SLC43A2: variants seen among roughly 807,000 people sequenced by gnomAD.
SLC43A2 encodes the protein large neutral amino acids transporter small subunit 4.
A neutral mutation model predicts 63.2 loss-of-function variants in SLC43A2; 38 were observed. That is an observed-to-expected ratio of 0.60 (90% CI 0.46 to 0.79). SLC43A2 has a LOEUF of 0.79. Ranked by LOEUF, SLC43A2 falls within the 30% of genes least tolerant of loss-of-function variation. The pLI is 0.00. For missense variants in SLC43A2, 644 were observed against 756.2 expected, an observed-to-expected ratio of 0.85 and a Z score of 1.74; for synonymous variants, 322 against 331.0, an observed-to-expected ratio of 0.97 and a Z score of 0.30.
At chr17:1,608,735 C>G (rs1472699154) in intron 5 of SLC43A2, among the ~76,000 whole-genome samples, 1 of 152,130 alleles carries the variant, frequency 6.6e-6, no homozygotes, top group Non-Finnish European at 1.5e-5. Context: ...TGCCAGAGGC[C>G]AGTGAAAGTA....
intron 5 of SLC43A2, among the ~76,000 whole-genome samples, chr17:1,594,648 C>A (rs1457097034): frequency 7.3e-6 from 1 of 137,762 alleles, no homozygotes; most frequent in Non-Finnish European, 1.6e-5. Flanking sequence ...ACTGCAGTGG[C>A]TCTATCTCGG....
intron 4 of SLC43A2, among the ~76,000 whole-genome samples, chr17:1,613,892 G>T (rs954867219): frequency 3.2e-4 from 48 of 151,998 alleles, no homozygotes; most frequent in African/African-American, 1.1e-3. Context: ...TGAGCCCAGG[G>T]GTTCAAGACC....
chr17:1,570,858 C>T lies in SLC43A2; in HGVS notation c.*4746G>A, dbSNP rs1014898636. ...ACTGCGTATCCACGTAGCTGCACCA[C>T]GCAGGCATTCTTTCCTCCCTTTTGC... On this transcript the variant is annotated 3_prime_UTR_variant, in exon 14 of 14. Transcript: ENST00000301335. The T allele has an allele frequency of 4.6e-5, 7 of 152,312 alleles. No individual in the cohort carries two copies. The highest frequency in any genetic ancestry group is 1.7e-4 in the African/African-American group (7 of 41,466). The allele number at this position is 152,312 out of a possible 1,614,324, so 9.4% of individuals were successfully genotyped here. A position where few individuals can be genotyped will look rare whatever the true frequency, so the allele number is the denominator to read the frequency against.
intron 5 of SLC43A2, among the ~76,000 whole-genome samples, chr17:1,601,654 G>A (rs1906034760): frequency 6.6e-6 from 1 of 151,490 alleles, no homozygotes. Context: ...CCCTCCCGAA[G>A]GTCCAAACCA....
In SLC43A2 at chr17:1,578,167, A is replaced by T; in HGVS notation, c.1424+83T>A. On this transcript the variant is annotated intron_variant, in intron 12 of 13. Transcript: ENST00000301335. This position sits in a 1 kb window ranked among gnomAD's most constrained non-coding sequence, Gnocchi z 6.5. ...TTCTGGGACAGGCTGACCCTGCCTC[A>T]GAGTCTCAGTCCCACCAGCAACCTC... 7.3e-7 allele frequency: 1 copy of T among 1,372,806 alleles called. No individual in the cohort carries two copies. Among genetic ancestry groups the T allele is most frequent in the Non-Finnish European group, 1.0e-6 (1 of 971,158 alleles). The allele number at this position is 1,372,806 out of a possible 1,614,324, so 85.0% of individuals were successfully genotyped here.
At chr17:1,595,181 T>C (rs1344525805) in intron 5 of SLC43A2, among the ~76,000 whole-genome samples, 2 of 151,558 alleles carry the variant, frequency 1.3e-5, no homozygotes, top group Non-Finnish European at 2.9e-5. Context: ...CTTGGGAGGC[T>C]GAGGCAGGAA....
At chr17:1,589,163 A>T (rs1267996397) in intron 9 of SLC43A2, among the ~76,000 whole-genome samples, 1 of 152,132 alleles carries the variant, frequency 6.6e-6, no homozygotes, top group Non-Finnish European at 1.5e-5. Context: ...GAACATACGA[A>T]ACAGTTGGAA....
At chr17:1,609,237 C>A (rs1041093392) in intron 5 of SLC43A2, among the ~76,000 whole-genome samples, 3 of 152,028 alleles carry the variant, frequency 2.0e-5, no homozygotes, top group African/African-American at 7.2e-5. Flanking sequence ...GAATTTCACT[C>A]GTCGCCCAGG....
At chr17:1,603,563 C>A (rs186549773) in intron 5 of SLC43A2, among the ~76,000 whole-genome samples, 1 of 152,170 alleles carries the variant, frequency 6.6e-6, no homozygotes, top group African/African-American at 2.4e-5. Flanking sequence ...GGCAGGGGAT[C>A]ACCTGAGGTC....
chr17:1,615,792 G>A (rs1330939872), intron 3 of SLC43A2, among the ~76,000 whole-genome samples: 3 of 148,966 alleles, frequency 2.0e-5, no homozygotes, highest in Non-Finnish European at 3.0e-5. Flanking sequence ...GCAGTGAGCC[G>A]AGATCGCGCC....
At chr17:1,580,896 C>T (rs1487385443) in intron 11 of SLC43A2, among the ~76,000 whole-genome samples, 5 of 152,120 alleles carry the variant, frequency 3.3e-5, no homozygotes, top group African/African-American at 9.7e-5. Context: ...CTCCACAACA[C>T]CTGGCTAATT....
intron 1 of SLC43A2, among the ~76,000 whole-genome samples, chr17:1,628,531 G>A (rs1199008677): frequency 2.0e-5 from 3 of 152,018 alleles, no homozygotes; most frequent in Admixed American, 6.5e-5. Context: ...CGTGGGAGAC[G>A]AGGAGCCGGT....
intron 2 of SLC43A2, 121 bp downstream of exon 2, chr17:1,627,594 C>A (rs1258641933): frequency 1.2e-5 from 12 of 1,025,318 alleles, no homozygotes; most frequent in Non-Finnish European, 1.6e-5. Flanking sequence ...GATGGGCCTT[C>A]TGATACCCTA....
chr17:1,617,727 A>G (rs1437838766), intron 2 of SLC43A2, among the ~76,000 whole-genome samples: 3 of 152,122 alleles, frequency 2.0e-5, no homozygotes, highest in Non-Finnish European at 2.9e-5. Flanking sequence ...CCGGGGTCAC[A>G]GTGGTGCCAT....
At chr17:1,580,418 C>T (rs929452681) in intron 11 of SLC43A2, among the ~76,000 whole-genome samples, 3 of 152,246 alleles carry the variant, frequency 2.0e-5, no homozygotes, top group Non-Finnish European at 2.9e-5. Context: ...ACCACGGCCT[C>T]GAGCTGCCTT....
At chr17:1,585,637 C>G in intron 10 of SLC43A2, 1 of 1,332,972 alleles carries the variant, frequency 7.5e-7, no homozygotes. Context: ...ATCTTCCTAC[C>G]CCAGCCTTTC....
intron 5 of SLC43A2, among the ~76,000 whole-genome samples, chr17:1,611,062 C>T (rs1205615855): frequency 2.0e-5 from 3 of 151,962 alleles, no homozygotes; most frequent in Admixed American, 6.6e-5. Context: ...AGGCTGGTCT[C>T]GAACTCCTGA....
In SLC43A2 at chr17:1,578,836, T is replaced by G. The variant is rs2075971230; in HGVS notation, c.1351-513A>C. 1 of 148,348 alleles carries G rather than the reference T, an allele frequency of 6.7e-6. No individual in the cohort carries two copies. Among genetic ancestry groups the G allele is most frequent in the Non-Finnish European group, 1.5e-5 (1 of 67,092 alleles). The allele number at this position is 148,348 out of a possible 1,614,324, so 9.2% of individuals were successfully genotyped here. A position where few individuals can be genotyped will look rare whatever the true frequency, so the allele number is the denominator to read the frequency against. On this transcript the variant is annotated intron_variant, in intron 11 of 13. Transcript: ENST00000301335. This position sits in a 1 kb window ranked among gnomAD's most constrained non-coding sequence, Gnocchi z 6.5. Reference sequence around the variant, plus strand: ...AGCCACTGCGCCCAGCCTAACCGAGTCATTATTAAAAATTAAATTATAGGC... The same window carrying G: ...AGCCACTGCGCCCAGCCTAACCGAGGCATTATTAAAAATTAAATTATAGGC...
intron 11 of SLC43A2, among the ~76,000 whole-genome samples, chr17:1,582,262 T>C (rs1354516421): frequency 2.0e-5 from 3 of 152,260 alleles, no homozygotes; most frequent in Non-Finnish European, 4.4e-5. Flanking sequence ...ATATTTTCTG[T>C]AGAGACAGGG....
Sources: allele counts gnomAD v4.1 joint callset (sites outside exome capture counted in the v4.1 genomes callset), GRCh38; gene constraint gnomAD v4.1.1; non-coding constraint Gnocchi (gnomAD v3.1); transcripts MANE v1.5; gene names NCBI Gene and HGNC (gene_info 2026-07-23, HGNC 2026-07-21).